F9: variants seen among roughly 807,000 people sequenced by gnomAD.
F9 encodes the protein Christmas factor.
In F9, 2 loss-of-function variants were observed where a neutral mutation model predicts 34.1. The observed-to-expected ratio is 0.06, with a 90% CI of 0.02 to 0.18. F9 has a LOEUF of 0.18. F9 is among the 10% of genes least tolerant of loss of function. The probability of loss-of-function intolerance (pLI) is 1.00; values close to 1 mark genes in which losing one functional copy is unlikely to be tolerated. For synonymous variants in F9, 137 were observed against 118.8 expected, an observed-to-expected ratio of 1.15 and a Z score of -1.00; for missense variants, 216 against 345.1, an observed-to-expected ratio of 0.63 and a Z score of 2.96.
chrX:139,533,493 A>G (rs1192585269), intron 1 of F9, among the ~76,000 whole-genome samples: 1 of 112,565 alleles, frequency 8.9e-6, no homozygotes, highest in Non-Finnish European at 1.9e-5. Context: ...ATTACTGGCT[A>G]CATTATGATA....
intron 6 of F9, among the ~76,000 whole-genome samples, chrX:139,552,175 CAG>C (rs1331656555): frequency 9.0e-6 from 1 of 111,416 alleles, no homozygotes; most frequent in Non-Finnish European, 1.9e-5. Context: ...GCCTGAGTGA[CAG>C]AGTAAGACCC....
At chrX:139,535,841 C>T (rs183741530) in intron 1 of F9, among the ~76,000 whole-genome samples, 21 of 110,888 alleles carry the variant, frequency 1.9e-4, no homozygotes, top group East Asian at 5.7e-4. Context: ...CATCATTGTG[C>T]GAACATAATA....
At chrX:139,543,521 C>T (rs982963775) in intron 4 of F9, among the ~76,000 whole-genome samples, 1 of 112,042 alleles carries the variant, frequency 8.9e-6, no homozygotes, top group African/African-American at 3.2e-5. Context: ...TTATTTACTA[C>T]GTATTTCTGA....
chrX:139,536,216 CATATATATGTACACACATATATGT>C lies in F9; in HGVS notation c.89-761_89-738del, dbSNP rs1209729861. ...ATATATGTATACATATATACACACA[CATATATATGTACACACATATATGT>C]ATATATATGTACACACATATATGTA... On this transcript the variant is annotated intron_variant, in intron 1 of 7. Coordinates refer to ENST00000218099, the MANE Select transcript of F9 (RefSeq NM_000133.4). 8.4e-3 allele frequency among the ~76,000 whole-genome samples: 752 copies of C among 89,226 alleles called. 10 individuals carry two copies. Among genetic ancestry groups the C allele is most frequent in the African/African-American group, 0.029 (690 of 24,077 alleles). 77.5% of individuals were successfully genotyped at this position (89,226 alleles called of 115,157 possible).
At chrX:139,536,200 TACATATATACACAC>T (rs969984379) in intron 1 of F9, among the ~76,000 whole-genome samples, 23 of 106,774 alleles carry the variant, frequency 2.2e-4, no homozygotes, top group African/African-American at 7.8e-4. Context: ...CATATATGTA[TACATATATACACAC>T]ACATATATAT....
chrX:139,532,574 C>G (rs1392560753), intron 1 of F9, among the ~76,000 whole-genome samples: 1 of 111,268 alleles, frequency 9.0e-6, no homozygotes, highest in African/African-American at 3.3e-5. Flanking sequence ...CCTCTTTGAT[C>G]TAAAGCAGCA....
At chrX:139,557,992 C>T (rs1412040648) in intron 6 of F9, among the ~76,000 whole-genome samples, 2 of 112,542 alleles carry the variant, frequency 1.8e-5, no homozygotes, top group East Asian at 5.6e-4. Context: ...CTTAGCCAGC[C>T]CTGGCTCTCC....
intron 4 of F9, among the ~76,000 whole-genome samples, chrX:139,545,299 A>C (rs1461109982): frequency 8.9e-6 from 1 of 112,165 alleles, no homozygotes; most frequent in Non-Finnish European, 1.9e-5. Context: ...CTCTAGAAAC[A>C]GAAATAGGCT....
At chrX:139,542,133 AG>A (rs1236916577) in intron 4 of F9, among the ~76,000 whole-genome samples, 4 of 112,011 alleles carry the variant, frequency 3.6e-5, no homozygotes, top group African/African-American at 9.7e-5. Context: ...CAGATGAAAA[AG>A]GCATGAAATG....
At chrX:139,558,645 A>T (rs997963409) in intron 6 of F9, among the ~76,000 whole-genome samples, 1 of 112,483 alleles carries the variant, frequency 8.9e-6, no homozygotes, top group African/African-American at 3.2e-5. Context: ...GGGGCCCCAC[A>T]TTTTTATTTC....
At chrX:139,547,519 T>C (rs927825156) in intron 4 of F9, 1 of 111,241 alleles carries the variant, frequency 9.0e-6, no homozygotes, top group African/African-American at 3.3e-5. Flanking sequence ...ACAATCATTT[T>C]AGAAAATTGC....
Position 139,537,397 on chromosome X carries a change from C to A in F9, c.277+11C>A. The A allele has an allele frequency of 8.6e-7, 1 of 1,165,068 alleles. No individual in the cohort carries two copies. Among genetic ancestry groups the A allele is most frequent in the Non-Finnish European group, 1.2e-6 (1 of 853,719 alleles). ...GGAAGCAGTATGTTGGTAAGCAATT[C>A]ATTTTATCCTCTAGCTAATATATGA... On this transcript the variant is annotated intron_variant, in intron 3 of 7. Transcript: ENST00000218099.
At position 139,546,819 on chromosome X, in the gene F9, AAATG is replaced by A. The variant is rs1256866689; in HGVS notation, c.392-1536_392-1533del. On this transcript the variant is annotated intron_variant, in intron 4 of 7. Coordinates refer to ENST00000218099, the MANE Select transcript of F9 (RefSeq NM_000133.4). ...GAGAAAAATTAAGGAAAACCTAAAT[AAATG>A]AATGAATAGGCAATGTTTATCAATT... Among the ~76,000 whole-genome samples the A allele has an allele frequency of 8.0e-5, 9 of 112,220 alleles. No individual in the cohort carries two copies. In the East Asian group the frequency reaches 1.1e-3, roughly 14 times the overall value.
At chrX:139,546,386 C>A (rs1341582087) in intron 4 of F9, among the ~76,000 whole-genome samples, 1 of 111,805 alleles carries the variant, frequency 8.9e-6, no homozygotes, top group East Asian at 2.8e-4. Context: ...CTAAAGACTT[C>A]CAGATTCTAC....
rs1928147564 is a variant in F9 at position 139,562,574 on chromosome X, T to C, written c.*503T>C. On this transcript the variant is annotated 3_prime_UTR_variant, in exon 8 of 8. Coordinates refer to ENST00000218099, the MANE Select transcript of F9 (RefSeq NM_000133.4). ...AAAACTCATCAAAAACACTACTCCT[T>C]TTCCTCTACCCTATTCCTCAATCTT... The C allele has an allele frequency of 8.7e-6, 1 of 114,722 alleles. No homozygotes were observed. Among genetic ancestry groups the C allele is most frequent in the South Asian group, 3.4e-4 (1 of 2,920 alleles). 9.5% of individuals were successfully genotyped at this position (114,722 alleles called of 1,213,427 possible).
chrX:139,548,862 G>A (rs1315485938), intron 5 of F9, among the ~76,000 whole-genome samples: 1 of 111,883 alleles, frequency 8.9e-6, no homozygotes, highest in Non-Finnish European at 1.9e-5. Flanking sequence ...TCTAGTATAA[G>A]GACGGTAAGT....
At chrX:139,558,549 T>C in intron 6 of F9, among the ~76,000 whole-genome samples, 1 of 113,074 alleles carries the variant, frequency 8.8e-6, no homozygotes, top group Non-Finnish European at 1.9e-5. Flanking sequence ...TGTAACAAGA[T>C]GGGTTGCAAA....
chrX:139,532,870 T>G (rs1440000940), intron 1 of F9, among the ~76,000 whole-genome samples: 1 of 111,763 alleles, frequency 8.9e-6, no homozygotes. Flanking sequence ...ACAGGTAAAC[T>G]AGGCAGAGCT....
intron 6 of F9, among the ~76,000 whole-genome samples, chrX:139,559,709 T>C (rs4149745): frequency 1.2e-3 from 134 of 111,991 alleles, no homozygotes; most frequent in African/African-American, 4.2e-3. Context: ...GATATCCACT[T>C]AAAGTGATGG....
Sources: allele counts gnomAD v4.1 joint callset (sites outside exome capture counted in the v4.1 genomes callset), GRCh38; gene constraint gnomAD v4.1.1; transcripts MANE v1.5; gene names NCBI Gene and HGNC (gene_info 2026-07-23, HGNC 2026-07-21).